The following SERINC2 variants were observed in gnomAD, a reference collection of about 807,000 sequenced individuals.
SERINC2 encodes the protein tumor differentially expressed protein 2.
SERINC2 carries 56 observed loss-of-function variants against 54.2 expected under a neutral mutation model. The observed-to-expected ratio is 1.03, with a 90% CI of 0.83 to 1.29. The LOEUF is 1.29. Among genes scored for constraint, SERINC2 ranks in the 50% most tolerant of loss-of-function variants. SERINC2 has a pLI of 0.00. For synonymous variants in SERINC2, 272 were observed against 253.1 expected, an observed-to-expected ratio of 1.07 and a Z score of -0.71; for missense variants, 614 against 607.4, an observed-to-expected ratio of 1.01 and a Z score of -0.12.
chr1:31,426,490 T>C (rs1641044540), intron 5 of SERINC2, among the ~76,000 whole-genome samples, 164 bp from the exon 6 acceptor site: 1 of 152,148 alleles, frequency 6.6e-6, no homozygotes, highest in African/African-American at 2.4e-5. Context: ...GGTGGGGCAA[T>C]GACTCACAAA....
chr1:31,410,511 G>A, upstream of SERINC2: 1 of 1,534,838 alleles, frequency 6.5e-7, no homozygotes, highest in South Asian at 1.2e-5. Context: ...GGCCAGGACA[G>A]TGGCAGCATA....
chr1:31,429,526 C>T lies in SERINC2; in HGVS notation c.1001C>T (p.Thr334Ile). The stretch of plus-strand genomic sequence containing the variant: ...GGCCTCATCATCTTCCTCCTGTGCA[C>T]CCTCTTCATCAGGTATGGCCAGGTC... Reference protein sequence around the residue: ...IVGLIIFLLCTLFISLRSSDH... With the variant: ...IVGLIIFLLCILFISLRSSDH... Residue 334 changes from threonine (T) to isoleucine (I), a missense_variant, in exon 8 of 10, where the codon ACC (threonine) becomes ATC (isoleucine). Coordinates refer to ENST00000373709, the MANE Select transcript of SERINC2 (RefSeq NM_178865.5). 1 of 1,610,098 alleles carries T rather than the reference C, an allele frequency of 6.2e-7. No homozygotes were observed. The highest frequency in any genetic ancestry group is 1.3e-5 in the African/African-American group (1 of 74,988).
chr1:31,431,796 T>TAGGGTGGATAGGGTGGATAGGGTGGAC lies in SERINC2; in HGVS notation c.1014-1163_1014-1162insTAGGGTGGATAGGGTGGACAGGGTGGA, dbSNP rs1557499813. 4.2e-3 allele frequency among the ~76,000 whole-genome samples: 46 copies of TAGGGTGGATAGGGTGGATAGGGTGGAC among 10,946 alleles called. 4 individuals carry two copies. Among genetic ancestry groups the TAGGGTGGATAGGGTGGATAGGGTGGAC allele is most frequent in the Admixed American group, 8.4e-3 (8 of 950 alleles). The allele number at this position is 10,946 out of a possible 152,430, so 7.2% of individuals were successfully genotyped here. On this transcript the variant is annotated intron_variant, in intron 8 of 9. Transcript: ENST00000373709. Reference sequence around the variant, plus strand: ...GGGTGAATAGGGTGGATAGGGTGGATAGGGTGGACAGGGTGGACAGGGTGG... The same window carrying TAGGGTGGATAGGGTGGATAGGGTGGAC: ...GGGTGAATAGGGTGGATAGGGTGGATAGGGTGGATAGGGTGGATAGGGTGGACAGGGTGGACAGGGTGGACAGGGTGG...
In SERINC2 at chr1:31,425,193, G is replaced by T. The variant is rs934614068; in HGVS notation, c.393-137G>T. On this transcript the variant is annotated intron_variant, in intron 3 of 9. Coordinates refer to ENST00000373709, the MANE Select transcript of SERINC2 (RefSeq NM_178865.5). ...CAGGAGAGACTTTCTGTGCCTATCAGACCACCAGAAAGCCCACCCTCACCC... is the reference window on the plus strand; with the variant it reads ...CAGGAGAGACTTTCTGTGCCTATCATACCACCAGAAAGCCCACCCTCACCC... 7.4e-5 allele frequency: 55 copies of T among 742,162 alleles called. No homozygotes were observed. In the Admixed American group the frequency reaches 1.1e-3, roughly 14 times the overall value. 46.0% of individuals were successfully genotyped at this position (742,162 alleles called of 1,614,324 possible). A position where few individuals can be genotyped will look rare whatever the true frequency, so the allele number is the denominator to read the frequency against.
upstream of SERINC2, chr1:31,413,164 C>CGGGGCG (rs1315430606): frequency 5.0e-5 from 43 of 857,000 alleles, 1 homozygote; most frequent in South Asian, 1.7e-3. This position sits in a 1 kb window ranked among gnomAD's most constrained non-coding sequence, Gnocchi z 5.0. Flanking sequence ...GGGGCGGGGC[C>CGGGGCG]GGGGCGGGGC....
At chr1:31,414,146 T>G (rs1570022362) in intron 1 of SERINC2, 2 of 1,411,372 alleles carry the variant, frequency 1.4e-6, no homozygotes, top group East Asian at 5.9e-5. Flanking sequence ...GCGCGGGGAG[T>G]GCCCGGTCGC....
rs2148524161 is a variant in SERINC2, at chr1:31,429,446, T to C, written c.921T>C (p.Val307=). ...HLPTQLGNET[V]VAGPEGYETQ... is the part of the protein sequence containing the mutation. ...CAACCCAGCTGGGCAACGAGACAGT[T>C]GTGGCAGGCCCCGAGGGCTATGAGA... Residue 307 remains valine, a synonymous_variant, in exon 8 of 10, where the codon GTT becomes GTC. Transcript: ENST00000373709. 6.2e-7 allele frequency: 1 copy of C among 1,613,904 alleles called. No individual in the cohort carries two copies. The highest frequency in any genetic ancestry group is 8.5e-7 in the Non-Finnish European group (1 of 1,179,928).
At position 31,414,771 on chromosome 1, in the gene SERINC2, G is replaced by A. The variant is rs1012650242; in HGVS notation, c.39+1467G>A. The A allele has an allele frequency of 1.8e-5, 18 of 985,366 alleles. No homozygotes were observed. The South Asian group carries it at 2.3e-4, about 13-fold the overall frequency. 61.0% of individuals were successfully genotyped at this position (985,366 alleles called of 1,614,324 possible). On this transcript the variant is annotated intron_variant, in intron 1 of 9. Coordinates refer to ENST00000373709, the MANE Select transcript of SERINC2 (RefSeq NM_178865.5). ...ACAGTGGACCTGATTTCCATCGGTT[G>A]CACCTGGTGAGGCACAGGCCCTGCT...
In SERINC2 at chr1:31,413,739, G is replaced by C; in HGVS notation, c.39+435G>C. On this transcript the variant is annotated intron_variant, in intron 1 of 9. Transcript: ENST00000373709. The surrounding 1 kb of genome is among the most constrained non-coding windows in gnomAD (Gnocchi z 5.0). Reference sequence around the variant, plus strand: ...TCGCCCGGGCCCCGTCCCTCCTGGCGAGTGCCCTGCCCTACCCCTCTGGCC... The same window carrying C: ...TCGCCCGGGCCCCGTCCCTCCTGGCCAGTGCCCTGCCCTACCCCTCTGGCC... 6.1e-6 allele frequency: 8 copies of C among 1,309,242 alleles called. No individual in the cohort carries two copies. In the South Asian group the frequency reaches 6.5e-5, roughly 11 times the overall value. 81.1% of individuals were successfully genotyped at this position (1,309,242 alleles called of 1,614,324 possible).
At chr1:31,422,298 C>CAAAA (rs112581286) in intron 1 of SERINC2, among the ~76,000 whole-genome samples, 2 of 136,230 alleles carry the variant, frequency 1.5e-5, no homozygotes, top group East Asian at 4.2e-4. Context: ...GACCCTGTCT[C>CAAAA]AAAAAAAAAA....
upstream of SERINC2, chr1:31,410,338 A>G: frequency 6.5e-7 from 1 of 1,548,028 alleles, no homozygotes; most frequent in Non-Finnish European, 8.7e-7. Flanking sequence ...TCTCCTCAGT[A>G]GTCCCCTCAG....
At chr1:31,411,656 G>A (rs1054770390), upstream of SERINC2, among the ~76,000 whole-genome samples, 4 of 152,080 alleles carry the variant, frequency 2.6e-5, no homozygotes, top group Non-Finnish European at 5.9e-5. Flanking sequence ...TATGGCATGT[G>A]AGCAAGCTTC....
At chr1:31,414,204 C>G (rs1553131879) in intron 1 of SERINC2, 1 of 1,355,544 alleles carries the variant, frequency 7.4e-7, no homozygotes. Context: ...TAGCTGCAGC[C>G]GCAGAGGGGA....
chr1:31,412,903 C>A (rs1553131644), upstream of SERINC2, among the ~76,000 whole-genome samples: 1 of 152,220 alleles, frequency 6.6e-6, no homozygotes, highest in East Asian at 1.9e-4. Flanking sequence ...GCGGTGACCA[C>A]CTCTTGGCTT....
chr1:31,432,196 GTGGAGAGA>G lies in SERINC2; in HGVS notation c.1014-770_1014-763del, dbSNP rs1557501762. On this transcript the variant is annotated intron_variant, in intron 8 of 9. Coordinates refer to ENST00000373709, the MANE Select transcript of SERINC2 (RefSeq NM_178865.5). ...GGATAGGGTGGATAGGGTGGTTAGA[GTGGAGAGA>G]GTGGACAGGGTGGAGAGGGTGGATA... 2.4e-4 allele frequency among the ~76,000 whole-genome samples: 34 copies of G among 141,870 alleles called. 1 individual carries two copies. The highest frequency in any genetic ancestry group is 3.6e-3 in the Middle Eastern group (1 of 280). 93.1% of individuals were successfully genotyped at this position (141,870 alleles called of 152,430 possible).
intron 1 of SERINC2, among the ~76,000 whole-genome samples, chr1:31,422,441 A>G (rs528352097): frequency 1.1e-4 from 16 of 152,148 alleles, no homozygotes; most frequent in African/African-American, 3.6e-4. Flanking sequence ...CTGGTATTAC[A>G]GGTGTGAGCC....
chr1:31,426,562 G>C, intron 5 of SERINC2, 92 bp from the exon 6 acceptor site: 1 of 1,021,118 alleles, frequency 9.8e-7, no homozygotes, highest in Non-Finnish European at 1.4e-6. Context: ...TGGAGAGGGG[G>C]AGAGCTGCCA....
chr1:31,420,352 C>T (rs1640875906), intron 1 of SERINC2, among the ~76,000 whole-genome samples: 1 of 152,126 alleles, frequency 6.6e-6, no homozygotes, highest in South Asian at 2.1e-4. Flanking sequence ...TGTTTAAGAA[C>T]CAGAGCGAAC....
intron 8 of SERINC2, among the ~76,000 whole-genome samples, chr1:31,432,181 GAT>G (rs1557501690): frequency 1.3e-5 from 2 of 148,372 alleles, no homozygotes; most frequent in African/African-American, 5.0e-5. Context: ...GGATAGGGTG[GAT>G]AGGGTGGTTA....
Sources: allele counts gnomAD v4.1 joint callset (sites outside exome capture counted in the v4.1 genomes callset), GRCh38; gene constraint gnomAD v4.1.1; non-coding constraint Gnocchi (gnomAD v3.1); transcripts MANE v1.5; gene names NCBI Gene and HGNC (gene_info 2026-07-23, HGNC 2026-07-21).